DPY19L3: variants seen among roughly 807,000 people sequenced by gnomAD.
The protein encoded by DPY19L3 is protein C-mannosyl-transferase DPY19L3.
DPY19L3 carries 51 observed loss-of-function variants against 92.3 expected under a neutral mutation model. The ratio of observed to expected loss-of-function variants is 0.55; its 90% CI spans 0.44 to 0.70. The LOEUF (loss-of-function observed/expected upper bound fraction) is 0.70, where lower values mean the gene tolerates loss of function less well. Ranked by LOEUF, DPY19L3 falls within the 30% of genes least tolerant of loss-of-function variation. The pLI is 0.00. For synonymous variants in DPY19L3, 309 were observed against 315.2 expected, an observed-to-expected ratio of 0.98 and a Z score of 0.21; for missense variants, 706 against 855.9, an observed-to-expected ratio of 0.82 and a Z score of 2.18.
In DPY19L3 at chr19:32,439,210, G is replaced by C. The variant is rs756980403; in HGVS notation, c.695G>C (p.Arg232Thr). The C allele has an allele frequency of 8.7e-6, 14 of 1,613,226 alleles. No homozygotes were observed. Among genetic ancestry groups the C allele is most frequent in the Admixed American group, 5.0e-5 (3 of 59,904 alleles). Reference protein sequence around the residue: ...IQIAAITYFLRPNLQPLSERL... With the variant: ...IQIAAITYFLTPNLQPLSERL... ...ATAGCAGCAATTACATATTTCCTGA[G>C]ACCAAACTTACAGCCTCTTTCTGAA... Residue 232 changes from arginine to threonine, a missense_variant, in exon 7 of 19, where the codon AGA becomes ACA. Transcript: ENST00000392250.
chr19:32,430,945 A>G (rs746965959), intron 3 of DPY19L3, among the ~76,000 whole-genome samples: 1 of 151,958 alleles, frequency 6.6e-6, no homozygotes, highest in African/African-American at 2.4e-5. Flanking sequence ...TCTTTTAATG[A>G]GATGTTTATT....
At chr19:32,480,286 A>G (rs1035452592) in intron 17 of DPY19L3, 113 bp from the exon 18 acceptor site, 2 of 1,220,472 alleles carry the variant, frequency 1.6e-6, no homozygotes, top group Admixed American at 2.8e-5. Context: ...GGCTGGAGAG[A>G]GCACCTTGGG....
At chr19:32,456,079 C>CTTTTTTTTT (rs899726982) in intron 10 of DPY19L3, among the ~76,000 whole-genome samples, 2 of 103,400 alleles carry the variant, frequency 1.9e-5, no homozygotes, top group African/African-American at 7.5e-5. Context: ...TCACTATGTT[C>CTTTTTTTTT]TTTTTTTTTT....
chr19:32,434,239 C>A (rs1842374127), intron 4 of DPY19L3, among the ~76,000 whole-genome samples: 2 of 152,278 alleles, frequency 1.3e-5, no homozygotes, highest in South Asian at 4.2e-4. Context: ...GCGTGTTTCC[C>A]ACAGAGACTG....
chr19:32,478,026 A>G (rs1970563890), intron 17 of DPY19L3, among the ~76,000 whole-genome samples: 1 of 152,202 alleles, frequency 6.6e-6, no homozygotes, highest in Non-Finnish European at 1.5e-5. Flanking sequence ...AGCACGGGAA[A>G]GACTTGCCCC....
intron 8 of DPY19L3, among the ~76,000 whole-genome samples, chr19:32,446,499 T>C (rs896977873): frequency 6.6e-6 from 1 of 151,942 alleles, no homozygotes; most frequent in Admixed American, 6.6e-5. Context: ...ACAATATAGA[T>C]AAATTGAAAG....
chr19:32,473,996 T>A (rs1435985058), intron 16 of DPY19L3, among the ~76,000 whole-genome samples: 1 of 151,952 alleles, frequency 6.6e-6, no homozygotes, highest in Non-Finnish European at 1.5e-5. Flanking sequence ...AGAGATGGAG[T>A]TTCACCATGT....
intron 1 of DPY19L3, among the ~76,000 whole-genome samples, chr19:32,406,874 A>G (rs1967973701): frequency 6.6e-6 from 1 of 152,122 alleles, no homozygotes; most frequent in Admixed American, 6.5e-5. Flanking sequence ...GGACTCTAGG[A>G]TGAGGTCACA....
At chr19:32,458,879 G>A (rs868718846) in intron 12 of DPY19L3, among the ~76,000 whole-genome samples, 1 of 152,182 alleles carries the variant, frequency 6.6e-6, no homozygotes, top group South Asian at 2.1e-4. Context: ...AATAGTGTCT[G>A]GTGCCTAGAC....
chr19:32,458,408 T>C lies in DPY19L3; in HGVS notation c.1221T>C (p.Asn407=), dbSNP rs1270597519. Reference sequence around the variant, plus strand: ...AAGCTTTTGGCCTCCTGCCTTTTAATACATTTGGAAGGCTTTCAGATACTC... The same window carrying C: ...AAGCTTTTGGCCTCCTGCCTTTTAACACATTTGGAAGGCTTTCAGATACTC... ...CEEAFGLLPF[N]TFGRLSDTLL... Residue 407 remains asparagine (N), a synonymous_variant, in exon 12 of 19, where the codon AAT becomes AAC. Coordinates refer to ENST00000392250, the MANE Select transcript of DPY19L3 (RefSeq NM_001172774.2). 6.2e-7 allele frequency: 1 copy of C among 1,613,884 alleles called. No individual in the cohort carries two copies. Among genetic ancestry groups the C allele is most frequent in the Non-Finnish European group, 8.5e-7 (1 of 1,179,990 alleles).
At chr19:32,423,659 TAAC>T (rs1968657317) in intron 3 of DPY19L3, among the ~76,000 whole-genome samples, 1 of 151,812 alleles carries the variant, frequency 6.6e-6, no homozygotes, top group African/African-American at 2.4e-5. Context: ...TGCATAATAA[TAAC>T]ATAACAGTGT....
At chr19:32,452,959 G>A (rs533996626) in intron 8 of DPY19L3, among the ~76,000 whole-genome samples, 186 bp from the exon 9 acceptor site, 10 of 151,414 alleles carry the variant, frequency 6.6e-5, no homozygotes, top group Non-Finnish European at 1.2e-4. Context: ...CACCCGCCTC[G>A]GCCTCCCAGA....
intron 16 of DPY19L3, among the ~76,000 whole-genome samples, chr19:32,471,685 G>T (rs1370138182): frequency 6.6e-6 from 1 of 152,136 alleles, no homozygotes; most frequent in Non-Finnish European, 1.5e-5. Context: ...GGAGATTCAG[G>T]CTTTCCAAGT....
chr19:32,469,477 C>G (rs1406182552), intron 16 of DPY19L3, among the ~76,000 whole-genome samples: 1 of 141,100 alleles, frequency 7.1e-6, no homozygotes, highest in Non-Finnish European at 1.5e-5. Flanking sequence ...TCCTGGGCGA[C>G]AGAGCAAGAC....
Position 32,436,227 on chromosome 19 carries a change from A to G in DPY19L3, c.329-219A>G, listed in dbSNP as rs576337768. ...TGGTGGTGGTTTCATTCCAGTTACA[A>G]AAGTTTTAATTTACCTATGTTTGTG... On this transcript the variant is annotated intron_variant, in intron 4 of 18. Transcript: ENST00000392250. 2.6e-5 allele frequency among the ~76,000 whole-genome samples: 4 copies of G among 152,280 alleles called. No individual in the cohort carries two copies. In the South Asian group the frequency reaches 8.3e-4, roughly 32 times the overall value.
At chr19:32,468,895 T>C in intron 16 of DPY19L3, 82 bp downstream of exon 16, 1 of 1,389,120 alleles carries the variant, frequency 7.2e-7, no homozygotes, top group East Asian at 2.4e-5. Flanking sequence ...TGGGGGTTTT[T>C]TGTTTGTTTC....
chr19:32,461,631 T>G (rs1238143620), intron 12 of DPY19L3, among the ~76,000 whole-genome samples: 1 of 152,146 alleles, frequency 6.6e-6, no homozygotes, highest in East Asian at 1.9e-4. Flanking sequence ...TGCCTTAGAG[T>G]ATCCTTTTAA....
intron 4 of DPY19L3, among the ~76,000 whole-genome samples, chr19:32,435,053 A>G (rs2145485650): frequency 6.6e-6 from 1 of 152,110 alleles, no homozygotes; most frequent in Admixed American, 6.5e-5. Context: ...CTAGAAGTCC[A>G]AGATCCACCT....
rs1380095024 is a variant in DPY19L3 at position 32,477,606 on chromosome 19, C to G, written c.1782C>G (p.Thr594=). 7.4e-6 allele frequency: 12 copies of G among 1,614,148 alleles called. No homozygotes were observed. Among genetic ancestry groups the G allele is most frequent in the Non-Finnish European group, 1.0e-5 (12 of 1,180,030 alleles). The change falls in exon 17 of 19, where the codon ACC becomes ACG. Residue 594 remains threonine, a synonymous_variant. Coordinates refer to ENST00000392250, the MANE Select transcript of DPY19L3 (RefSeq NM_001172774.2). Reference sequence around the variant, plus strand: ...AGCTGTGCACGGGAAGGACCCTAACCAACCACCCGCACTATGAAGACAGCA... The same window carrying G: ...AGCTGTGCACGGGAAGGACCCTAACGAACCACCCGCACTATGAAGACAGCA... ...GVKLCTGRTL[T]NHPHYEDSSL...
Sources: gnomAD v4.1 joint callset for allele counts (sites outside exome capture counted in the v4.1 genomes callset) on GRCh38, gnomAD v4.1.1 for gene constraint, MANE v1.5 for transcripts, NCBI Gene and HGNC (gene_info 2026-07-23, HGNC 2026-07-21) for gene names.